The following PARP8 variants were observed in gnomAD, a reference collection of about 807,000 sequenced individuals.
PARP8 encodes the protein poly(ADP-ribose) polymerase family member 8, also known as protein mono-ADP-ribosyltransferase PARP8.
In PARP8, 51 loss-of-function variants were observed where a neutral mutation model predicts 124.1. That is an observed-to-expected ratio of 0.41 (90% CI 0.33 to 0.52). The LOEUF is 0.52. Ranked by LOEUF, PARP8 falls within the 20% of genes least tolerant of loss-of-function variation. The probability of loss-of-function intolerance (pLI) is 0.21; values close to 1 mark genes in which losing one functional copy is unlikely to be tolerated. For missense variants in PARP8, 860 were observed against 1,018.9 expected, an observed-to-expected ratio of 0.84 and a Z score of 2.12; for synonymous variants, 391 against 361.5, an observed-to-expected ratio of 1.08 and a Z score of -0.93.
rs377028776 is a variant in PARP8 at position 50,795,046 on chromosome 5, G to A, written c.1057G>A (p.Ala353Thr). ...SLSSDPRAEQ[A>T]MTAIKSHKLL... ...GTCCAGCGATCCCAGGGCGGAGCAG[G>A]CTATGACAGCAATTAAATCGCACAA... The change falls in exon 12 of 26, where the codon GCT (alanine) becomes ACT (threonine). Residue 353 changes from alanine (A) to threonine (T), a missense_variant. Ala to Thr is a moderately conservative substitution (Grantham distance 58). Around this residue, in one of 2 missense-constraint regions of PARP8, gnomAD observed 517 missense variants for 544.2 expected, o/e 0.95. Transcript: ENST00000281631. 6.2e-7 allele frequency: 1 copy of A among 1,614,120 alleles called. No individual in the cohort carries two copies.
chr5:50,833,956 T>A (rs1378733124), intron 23 of PARP8, 23 bp from the exon 24 acceptor site: 1 of 1,601,752 alleles, frequency 6.2e-7, no homozygotes, highest in Non-Finnish European at 8.5e-7. Context: ...TGACTCTAAG[T>A]TTTAATTGTT....
chr5:50,760,858 TTA>T (rs1760475097), intron 5 of PARP8, among the ~76,000 whole-genome samples: 1 of 152,120 alleles, frequency 6.6e-6, no homozygotes, highest in African/African-American at 2.4e-5. Flanking sequence ...TATCAGGATA[TTA>T]AACAAACAAA....
Position 50,774,743 on chromosome 5 carries a change from G to T in PARP8, c.519-3326G>T, listed in dbSNP as rs182675754. 3.1e-5 allele frequency among the ~76,000 whole-genome samples: 4 copies of T among 127,340 alleles called. No individual in the cohort carries two copies. In the East Asian group the frequency reaches 1.0e-3, roughly 32 times the overall value. The allele number at this position is 127,340 out of a possible 152,430, so 83.5% of individuals were successfully genotyped here. On this transcript the variant is annotated intron_variant, in intron 7 of 25. Transcript: ENST00000281631. ...GGCAGAGGCACTCCTCATTTCCGGG[G>T]CAGAGGCGCTCCTCACTTCCCAGAC...
At position 50,759,742 on chromosome 5, in the gene PARP8, G is replaced by C; in HGVS notation, c.274+10G>C. On this transcript the variant is annotated intron_variant, in intron 4 of 25. Transcript: ENST00000281631. ...CATAGAATAGCAACAGGTAATAGTA[G>C]TATTATTTTTTATACTAGGTTAATT... 1 of 1,539,972 alleles carries C rather than the reference G, an allele frequency of 6.5e-7. No homozygotes were observed. Among genetic ancestry groups the C allele is most frequent in the Non-Finnish European group, 8.7e-7 (1 of 1,153,660 alleles).
intron 6 of PARP8, among the ~76,000 whole-genome samples, chr5:50,762,143 T>G (rs576224926): frequency 6.6e-6 from 1 of 152,294 alleles, no homozygotes; most frequent in African/African-American, 2.4e-5. Flanking sequence ...ATTACAGCGA[T>G]TTTGCAGATA....
At chr5:50,819,051 C>G (rs1376401267) in intron 15 of PARP8, among the ~76,000 whole-genome samples, 1 of 152,158 alleles carries the variant, frequency 6.6e-6, no homozygotes, top group African/African-American at 2.4e-5. Context: ...TGGTTAAGAC[C>G]TTATTCAGAC....
intron 7 of PARP8, among the ~76,000 whole-genome samples, chr5:50,772,120 G>T (rs902984169): frequency 2.0e-5 from 3 of 151,982 alleles, no homozygotes; most frequent in African/African-American, 7.3e-5. Flanking sequence ...TCTTTTCCTG[G>T]CTTACTTTAC....
In PARP8 at chr5:50,794,990, C is replaced by G; in HGVS notation, c.1001C>G (p.Thr334Arg). 1 of 1,614,214 alleles carries G rather than the reference C, an allele frequency of 6.2e-7. No homozygotes were observed. Among genetic ancestry groups the G allele is most frequent in the South Asian group, 1.1e-5 (1 of 91,084 alleles). Residue 334 changes from threonine (T) to arginine (R), a missense_variant, in exon 12 of 26, where the codon ACA becomes AGA. Physicochemically the swap from Thr to Arg is moderately conservative, Grantham distance 71 (BLOSUM62 -1). This residue lies in a region of PARP8 where 517 missense variants were observed against 544.2 expected (regional missense o/e 0.95). Transcript: ENST00000281631. ...GTCAAGACTGATGATGTGTGTGTCACAAAGTCACACAGGACCTTTGGCCGC... is the reference window on the plus strand; with the variant it reads ...GTCAAGACTGATGATGTGTGTGTCAGAAAGTCACACAGGACCTTTGGCCGC... ...STVKTDDVCV[T>R]KSHRTFGRSL...
At chr5:50,707,665 A>AG (rs1351264754) in intron 2 of PARP8, among the ~76,000 whole-genome samples, 5 of 135,432 alleles carry the variant, frequency 3.7e-5, no homozygotes, top group East Asian at 2.4e-4. Flanking sequence ...GAGAGAGAGA[A>AG]AATGCCAGTA....
chr5:50,711,545 C>T lies in PARP8; in HGVS notation c.147-38606C>T, dbSNP rs188327485. On this transcript the variant is annotated intron_variant, in intron 2 of 25. Coordinates refer to ENST00000281631, the MANE Select transcript of PARP8 (RefSeq NM_024615.4). ...TGCAGCACCTGTCATGTGGGCCACA[C>T]GGGAAGTTAGCCCAGATGTAGTTTG... Among the ~76,000 whole-genome samples the T allele has an allele frequency of 4.6e-5, 7 of 152,174 alleles. No individual in the cohort carries two copies. The East Asian group carries it at 5.8e-4, about 13-fold the overall frequency.
At chr5:50,666,256 CG>C (rs1405397502), upstream of PARP8, 4 of 152,332 alleles carry the variant, frequency 2.6e-5, no homozygotes, top group Non-Finnish European at 4.4e-5. Flanking sequence ...AAGATTTGTT[CG>C]TTTTATTATT....
chr5:50,837,582 T>A (rs1245440776), intron 25 of PARP8, among the ~76,000 whole-genome samples: 1 of 152,138 alleles, frequency 6.6e-6, no homozygotes, highest in African/African-American at 2.4e-5. Context: ...TTTAAAAGTC[T>A]ATTATCAGGT....
chr5:50,697,759 C>T (rs1753185030), intron 2 of PARP8, among the ~76,000 whole-genome samples: 1 of 152,178 alleles, frequency 6.6e-6, no homozygotes, highest in African/African-American at 2.4e-5. Flanking sequence ...GTCCTCCTAC[C>T]TCAGCCTCCC....
chr5:50,789,597 A>C (rs977783899), intron 10 of PARP8, among the ~76,000 whole-genome samples: 4 of 152,330 alleles, frequency 2.6e-5, no homozygotes, highest in Admixed American at 6.5e-5. Flanking sequence ...ACATAAAGCC[A>C]CGCCATTTGA....
At chr5:50,743,282 G>A (rs1384337663) in intron 2 of PARP8, among the ~76,000 whole-genome samples, 2 of 152,188 alleles carry the variant, frequency 1.3e-5, no homozygotes, top group Admixed American at 1.3e-4. Context: ...AAAGATTGTA[G>A]CTCATAGTGG....
chr5:50,784,742 A>G (rs1741055371), intron 9 of PARP8, among the ~76,000 whole-genome samples: 2 of 152,108 alleles, frequency 1.3e-5, no homozygotes, highest in South Asian at 4.1e-4. Context: ...TTTATGTATC[A>G]GTACAGTTCT....
At chr5:50,765,786 C>T (rs1249860423) in intron 7 of PARP8, among the ~76,000 whole-genome samples, 1 of 152,150 alleles carries the variant, frequency 6.6e-6, no homozygotes, top group African/African-American at 2.4e-5. Flanking sequence ...GTTTCAAATA[C>T]TTAGGCTTGG....
chr5:50,699,190 A>G (rs1469652668), intron 2 of PARP8, among the ~76,000 whole-genome samples: 1 of 152,126 alleles, frequency 6.6e-6, no homozygotes, highest in Non-Finnish European at 1.5e-5. Flanking sequence ...ACATGGCCTT[A>G]TATAGATAGC....
In PARP8 at chr5:50,788,513, T is replaced by C; in HGVS notation, c.671-10T>C. On this transcript the variant is annotated splice_polypyrimidine_tract_variant and intron_variant, in intron 9 of 25. Coordinates refer to ENST00000281631, the MANE Select transcript of PARP8 (RefSeq NM_024615.4). The stretch of plus-strand genomic sequence containing the variant: ...GTCAATATGTGACTGTGATCCTTTT[T>C]CCTTTCCAGTGCCCACTGTTGATGT... The C allele has an allele frequency of 1.2e-6, 2 of 1,612,070 alleles. No individual in the cohort carries two copies. The highest frequency in any genetic ancestry group is 2.2e-5 in the South Asian group (2 of 90,980).
Sources: gnomAD v4.1 joint callset for allele counts (sites outside exome capture counted in the v4.1 genomes callset) on GRCh38, gnomAD v4.1.1 for gene constraint, gnomAD v4.1.1 regional missense constraint, MANE v1.5 for transcripts, NCBI Gene and HGNC (gene_info 2026-07-23, HGNC 2026-07-21) for gene names.